The following ZNF383 variants were observed in gnomAD, a reference collection of about 807,000 sequenced individuals.
ZNF383 encodes zinc finger protein 383.
In ZNF383, 32 loss-of-function variants were observed where a neutral mutation model predicts 44.2. That is an observed-to-expected ratio of 0.72 (90% confidence interval 0.55 to 0.97). The LOEUF (loss-of-function observed/expected upper bound fraction) is 0.97. Ranked by LOEUF, ZNF383 falls within the 50% of genes least tolerant of loss-of-function variation. The pLI is 0.00. For synonymous variants in ZNF383, 155 were observed against 186.2 expected, an observed-to-expected ratio of 0.83 and a Z score of 1.36; for missense variants, 487 against 562.5, an observed-to-expected ratio of 0.87 and a Z score of 1.36.
chr19:37,242,012 C>CTA (rs955917543), intron 5 of ZNF383, among the ~76,000 whole-genome samples: 1 of 5,920 alleles, frequency 1.7e-4, no homozygotes, highest in Non-Finnish European at 3.3e-4. Flanking sequence ...ATATACTTAT[C>CTA]TATATATACT....
rs1283539689 is a variant in ZNF383, at chr19:37,243,320, G to A, written c.1084G>A (p.Gly362Ser). 6.2e-7 allele frequency: 1 copy of A among 1,613,972 alleles called. No homozygotes were observed. The highest frequency in any genetic ancestry group is 1.3e-5 in the African/African-American group (1 of 74,880). ...ALTNHQRIHTGEKPYDCKECG... is the reference protein window; with the variant it reads ...ALTNHQRIHTSEKPYDCKECG... ...TACTAATCATCAGAGAATTCACACT[G>A]GTGAGAAACCCTATGATTGTAAGGA... The change falls in exon 6 of 6, where the codon GGT (glycine) becomes AGT (serine). Residue 362 changes from glycine (G) to serine (S), a missense_variant. Coordinates refer to ENST00000684119, the MANE Select transcript of ZNF383 (RefSeq NM_001387601.1).
intron 5 of ZNF383, among the ~76,000 whole-genome samples, chr19:37,236,858 G>A (rs1171803723): frequency 2.6e-5 from 4 of 151,792 alleles, no homozygotes; most frequent in Admixed American, 2.0e-4. Flanking sequence ...ATGAGCCACC[G>A]CGTCCGGCCC....
rs775809773 is a variant in ZNF383, at chr19:37,243,234, C to T, written c.998C>T (p.Thr333Ile). The change falls in exon 6 of 6, where the codon ACT becomes ATT. Residue 333 changes from threonine to isoleucine, a missense_variant. Thr to Ile is a moderately conservative substitution (Grantham distance 89). Coordinates refer to ENST00000684119, the MANE Select transcript of ZNF383 (RefSeq NM_001387601.1). ...CTTGTTCAACATCAGAGAATTCATA[C>T]TGGTGAGAAACCCTATGAGTGCAAG... is the stretch of plus-strand genomic sequence containing the variant. ...SKLVQHQRIH[T>I]GEKPYECKEC... 2.5e-6 allele frequency: 4 copies of T among 1,614,158 alleles called. No homozygotes were observed. The highest frequency in any genetic ancestry group is 3.4e-6 in the Non-Finnish European group (4 of 1,180,012).
rs147876847 is a variant in ZNF383 at position 37,232,916 on chromosome 19, C to T, written c.9+2454C>T. Among the ~76,000 whole-genome samples the T allele has an allele frequency of 7.2e-5, 11 of 151,980 alleles. No individual in the cohort carries two copies. In the East Asian group the frequency reaches 9.7e-4, roughly 13 times the overall value. On this transcript the variant is annotated intron_variant, in intron 3 of 5. Coordinates refer to ENST00000684119, the MANE Select transcript of ZNF383 (RefSeq NM_001387601.1). The stretch of plus-strand genomic sequence containing the variant: ...GATGTGCAACCAATCCTAGTGAACA[C>T]GTATTATTCTCTTTTATAATGCTAT...
chr19:37,230,336 C>A, intron 2 of ZNF383, 73 bp from the exon 3 acceptor site: 1 of 1,033,882 alleles, frequency 9.7e-7, no homozygotes, highest in Non-Finnish European at 1.5e-6. Context: ...GTGGTTTTAT[C>A]TGACCTCTAG....
At chr19:37,223,824 G>T (rs1052396307) in intron 1 of ZNF383, among the ~76,000 whole-genome samples, 1 of 152,044 alleles carries the variant, frequency 6.6e-6, no homozygotes. Context: ...ACGAGGTCAG[G>T]AGTTCAAGAC....
chr19:37,237,791 C>T (rs1038809679), intron 5 of ZNF383, among the ~76,000 whole-genome samples: 15 of 151,904 alleles, frequency 9.9e-5, no homozygotes, highest in African/African-American at 3.6e-4. Flanking sequence ...GTAAGAGCAC[C>T]GAAACCCATC....
At position 37,230,469 on chromosome 19, in the gene ZNF383, TGATGC is replaced by T. The variant is rs753158163; in HGVS notation, c.9+8_9+12del. 23 of 1,612,918 alleles carry T rather than the reference TGATGC, an allele frequency of 1.4e-5. No homozygotes were observed. Among genetic ancestry groups the T allele is most frequent in the Non-Finnish European group, 1.9e-5 (22 of 1,179,866 alleles). ...ACTAGAAGCCATGGCTGAGGTGAGT[TGATGC>T]TTTTTCTTGCCTTCCTGACATTTAG... On this transcript the variant is annotated splice_region_variant and intron_variant, in intron 3 of 5. Coordinates refer to ENST00000684119, the MANE Select transcript of ZNF383 (RefSeq NM_001387601.1).
intron 2 of ZNF383, among the ~76,000 whole-genome samples, chr19:37,227,946 A>G (rs912209776): frequency 6.6e-6 from 1 of 152,244 alleles, no homozygotes; most frequent in African/African-American, 2.4e-5. Flanking sequence ...AGGGCGGAAC[A>G]TGAAAGCGGA....
intron 1 of ZNF383, among the ~76,000 whole-genome samples, chr19:37,220,712 C>T (rs531262243): frequency 6.6e-5 from 10 of 152,032 alleles, no homozygotes; most frequent in Admixed American, 6.6e-4. Flanking sequence ...TAGTCCTTTC[C>T]CCAGAATAAA....
intron 3 of ZNF383, among the ~76,000 whole-genome samples, chr19:37,235,300 A>G (rs1048040467): frequency 4.6e-5 from 7 of 151,842 alleles, no homozygotes; most frequent in Non-Finnish European, 1.0e-4. Context: ...AAAAGAAATC[A>G]CAATCTAGAC....
At chr19:37,226,675 A>C (rs1973183018) in intron 2 of ZNF383, 1 of 152,196 alleles carries the variant, frequency 6.6e-6, no homozygotes, top group African/African-American at 2.4e-5. Context: ...TTCAACAGAC[A>C]TGTAAGTTTC....
chr19:37,238,684 T>C (rs889249837), intron 5 of ZNF383, among the ~76,000 whole-genome samples: 9 of 152,176 alleles, frequency 5.9e-5, no homozygotes, highest in African/African-American at 1.9e-4. Flanking sequence ...AGCAGGCTTA[T>C]GAGTGTTTGC....
At chr19:37,230,373 CCA>C (rs1973424375) in intron 2 of ZNF383, 34 bp from the exon 3 acceptor site, 6 of 1,479,798 alleles carry the variant, frequency 4.1e-6, no homozygotes, top group Non-Finnish European at 5.6e-6. Flanking sequence ...TTTTACTTCC[CCA>C]GTCATGCAAC....
At chr19:37,234,102 G>T (rs1973647908) in intron 3 of ZNF383, among the ~76,000 whole-genome samples, 1 of 152,068 alleles carries the variant, frequency 6.6e-6, no homozygotes, top group Non-Finnish European at 1.5e-5. Flanking sequence ...GACCTCAGAT[G>T]ATCCACCCAC....
rs1336740371 is a variant in ZNF383, at chr19:37,231,686, GATT to G, written c.9+1227_9+1229del. On this transcript the variant is annotated intron_variant, in intron 3 of 5. Transcript: ENST00000684119. ...CTTTTGCATCAGGCACAAGCAAACT[GATT>G]ATAGTTGTGTTATACCAGATCATGT... Among the ~76,000 whole-genome samples, 5 of 152,254 alleles carry G rather than the reference GATT, an allele frequency of 3.3e-5. No homozygotes were observed. In the East Asian group the frequency reaches 9.7e-4, roughly 29 times the overall value.
intron 1 of ZNF383, among the ~76,000 whole-genome samples, chr19:37,224,037 A>C (rs1218202090): frequency 1.3e-5 from 2 of 151,524 alleles, no homozygotes; most frequent in African/African-American, 4.8e-5. Context: ...CCATCTCAGA[A>C]AAAAAAAAGA....
At chr19:37,230,176 G>C (rs1973413777) in intron 2 of ZNF383, among the ~76,000 whole-genome samples, 1 of 152,138 alleles carries the variant, frequency 6.6e-6, no homozygotes, top group South Asian at 2.1e-4. Context: ...GGCTAAGGCA[G>C]GAACTTAGGT....
intron 1 of ZNF383, among the ~76,000 whole-genome samples, chr19:37,221,892 C>A (rs1199456607): frequency 2.7e-5 from 4 of 146,458 alleles, no homozygotes; most frequent in Non-Finnish European, 5.9e-5. Context: ...GGAGGTGGAG[C>A]TTGCAATGAG....
Sources: gnomAD v4.1 joint callset for allele counts (sites outside exome capture counted in the v4.1 genomes callset) on GRCh38, gnomAD v4.1.1 for gene constraint, MANE v1.5 for transcripts, NCBI Gene and HGNC (gene_info 2026-07-23, HGNC 2026-07-21) for gene names.